SLFN14: variants seen among roughly 807,000 people sequenced by gnomAD.
SLFN14 encodes schlafen family member 14, also known as protein SLFN14.
In SLFN14, 47 loss-of-function variants were observed where a neutral mutation model predicts 58.6. That is an observed-to-expected ratio of 0.80 (90% CI 0.64 to 1.02). The LOEUF (loss-of-function observed/expected upper bound fraction) is 1.02. SLFN14 is among the 50% of genes least tolerant of loss of function. The pLI is 0.00. For synonymous variants in SLFN14, 390 were observed against 387.3 expected (o/e 1.01, Z -0.08); for missense variants, 967 against 1,078.4 (o/e 0.90, Z 1.45).
intron 5 of SLFN14, among the ~76,000 whole-genome samples, chr17:35,549,671 C>T (rs1034870992): frequency 3.9e-5 from 6 of 152,258 alleles, no homozygotes; most frequent in East Asian, 1.9e-4. Context: ...CTTTATAGTA[C>T]GCTTTAGCAT....
rs1007979703 is a variant in SLFN14 at position 35,544,150 on chromosome 17, T to C, written c.*4089A>G. On this transcript the variant is annotated 3_prime_UTR_variant, in exon 6 of 6. Transcript: ENST00000674182. Reference sequence around the variant, plus strand: ...TGGGCCACCCAGGGTACATTCTTTGTATGGAAACAGCAGAAACCCGAGAGA... The same window carrying C: ...TGGGCCACCCAGGGTACATTCTTTGCATGGAAACAGCAGAAACCCGAGAGA... Among the ~76,000 whole-genome samples the C allele has an allele frequency of 9.8e-5, 15 of 152,326 alleles. No homozygotes were observed. The highest frequency in any genetic ancestry group is 3.4e-3 in the Middle Eastern group (1 of 294).
rs114213370 is a variant in SLFN14 at position 35,556,770 on chromosome 17, G to T, written c.1060+233C>A. Among the ~76,000 whole-genome samples, 1,294 of 152,176 alleles carry T rather than the reference G, an allele frequency of 8.5e-3. 10 individuals carry two copies. The highest frequency in any genetic ancestry group is 0.026 in the African/African-American group (1,069 of 41,526). On this transcript the variant is annotated intron_variant, in intron 3 of 5. Coordinates refer to ENST00000674182, the MANE Select transcript of SLFN14 (RefSeq NM_001129820.2). ...ACTGCACTCCAGCCTGGGTGACAGA[G>T]TCTAAAGAAAAAAAAGTTGTTTAGG... is the stretch of plus-strand genomic sequence containing the variant.
Position 35,548,901 on chromosome 17 carries a change from TTTC to T in SLFN14, c.2074_2076del (p.Glu692del). 2 of 1,551,702 alleles carry T rather than the reference TTTC, an allele frequency of 1.3e-6. No homozygotes were observed. The highest frequency in any genetic ancestry group is 4.9e-5 in the East Asian group (2 of 40,926). ...AGCCAGAGAATCCCATGGTGAAGGT[TTTC>T]ACTTCCAGTCCCCTTCGCCTTTGGA... On this transcript the variant is annotated inframe_deletion, in exon 6 of 6. Transcript: ENST00000674182.
intron 3 of SLFN14, among the ~76,000 whole-genome samples, chr17:35,555,638 GGAGAA>G (rs1483422870): frequency 2.6e-5 from 4 of 152,140 alleles, no homozygotes; most frequent in African/African-American, 9.6e-5. Context: ...TTAGGGGAGA[GGAGAA>G]GAGAAGTGAA....
rs1395771765 is a variant in SLFN14, at chr17:35,545,773, G to T, written c.*2466C>A. Among the ~76,000 whole-genome samples, 1 of 152,062 alleles carries T rather than the reference G, an allele frequency of 6.6e-6. No individual in the cohort carries two copies. Among genetic ancestry groups the T allele is most frequent in the African/African-American group, 2.4e-5 (1 of 41,388 alleles). ...CAGACCTCAGCCTCTCAAAGTTCTGGTATTACAGGCACCAGCCACTGCACC... is the reference window on the plus strand; with the variant it reads ...CAGACCTCAGCCTCTCAAAGTTCTGTTATTACAGGCACCAGCCACTGCACC... On this transcript the variant is annotated 3_prime_UTR_variant, in exon 6 of 6. Transcript: ENST00000674182.
At chr17:35,558,753 T>C (rs141398416) in intron 2 of SLFN14, among the ~76,000 whole-genome samples, 4 of 152,262 alleles carry the variant, frequency 2.6e-5, no homozygotes, top group Non-Finnish European at 4.4e-5. Context: ...ATAAAGGGCA[T>C]GGGTTGGCAC....
At position 35,553,045 on chromosome 17, in the gene SLFN14, G is replaced by C; in HGVS notation, c.1589C>G (p.Pro530Arg). 1 of 1,551,592 alleles carries C rather than the reference G, an allele frequency of 6.4e-7. No homozygotes were observed. The highest frequency in any genetic ancestry group is 8.7e-7 in the Non-Finnish European group (1 of 1,146,970). Reference protein sequence around the residue: ...SRPGEIPLRYPRSYRLADEEE... With the variant: ...SRPGEIPLRYRRSYRLADEEE... ...CTCATCAGCAAGCCTGTAGGACCTG[G>C]GGTAACGCAGGGGGATCTCACCAGG... The change falls in exon 5 of 6, where the codon CCC becomes CGC. Residue 530 changes from proline to arginine, a missense_variant. By Grantham distance (103) the Pro-to-Arg change is moderately radical (BLOSUM62 -2). Coordinates refer to ENST00000674182, the MANE Select transcript of SLFN14 (RefSeq NM_001129820.2).
chr17:35,553,055 G>A lies in SLFN14; in HGVS notation c.1579C>T (p.Leu527=). The part of the protein sequence containing the change: ...STQSRPGEIP[L]RYPRSYRLAD... Reference sequence around the variant, plus strand: ...AGCCTGTAGGACCTGGGGTAACGCAGGGGGATCTCACCAGGTCTACTCTGT... The same window carrying A: ...AGCCTGTAGGACCTGGGGTAACGCAAGGGGATCTCACCAGGTCTACTCTGT... Residue 527 remains leucine (L), a synonymous_variant, in exon 5 of 6, where the codon CTG becomes TTG. Transcript: ENST00000674182. 1 of 1,551,626 alleles carries A rather than the reference G, an allele frequency of 6.4e-7. No individual in the cohort carries two copies. The highest frequency in any genetic ancestry group is 8.7e-7 in the Non-Finnish European group (1 of 1,146,984).
intron 5 of SLFN14, among the ~76,000 whole-genome samples, chr17:35,550,327 C>T (rs988910081): frequency 5.3e-5 from 8 of 152,206 alleles, no homozygotes; most frequent in Non-Finnish European, 1.2e-4. Context: ...GGGCGGATCA[C>T]CTGAGGTCAG....
At chr17:35,558,451 T>C (rs2142213565) in intron 2 of SLFN14, among the ~76,000 whole-genome samples, 1 of 151,596 alleles carries the variant, frequency 6.6e-6, no homozygotes, top group African/African-American at 2.4e-5. Context: ...TCTTTTTTGT[T>C]CTTGCTATTT....
intron 5 of SLFN14, among the ~76,000 whole-genome samples, chr17:35,552,009 C>A (rs1466998523): frequency 6.6e-6 from 1 of 152,198 alleles, no homozygotes; most frequent in Non-Finnish European, 1.5e-5. Context: ...TTAAGTTTGT[C>A]TCTTCCAGAA....
Position 35,547,626 on chromosome 17 carries a change from A to T in SLFN14, c.*613T>A, listed in dbSNP as rs1042164758. Among the ~76,000 whole-genome samples the T allele has an allele frequency of 1.2e-4, 19 of 152,200 alleles. No homozygotes were observed. Among genetic ancestry groups the T allele is most frequent in the African/African-American group, 4.6e-4 (19 of 41,444 alleles). On this transcript the variant is annotated 3_prime_UTR_variant, in exon 6 of 6. Coordinates refer to ENST00000674182, the MANE Select transcript of SLFN14 (RefSeq NM_001129820.2). ...AAGCATCCCCAAGAGACTGATCTAG[A>T]CTTGGTACAAAAAGGCAATCAAGTT...
intron 4 of SLFN14, 72 bp downstream of exon 4, chr17:35,554,504 A>T (rs1419612830): frequency 1.5e-6 from 2 of 1,357,478 alleles, no homozygotes; most frequent in East Asian, 5.8e-5. Flanking sequence ...ACCTGAACTC[A>T]TTACTACTAA....
Position 35,553,002 on chromosome 17 carries a change from C to T in SLFN14, c.1632G>A (p.Leu544=). The change falls in exon 5 of 6, where the codon TTG becomes TTA. Residue 544 remains leucine, a synonymous_variant. Coordinates refer to ENST00000674182, the MANE Select transcript of SLFN14 (RefSeq NM_001129820.2). ...RLADEEEMED[L]LQALVVVSLS... ...GGGAGACCACCACCAGAGCCTGCAG[C>T]AAGTCTTCCATTTCCTCCTCATCAG... is the stretch of plus-strand genomic sequence containing the variant. The T allele has an allele frequency of 1.3e-6, 2 of 1,551,616 alleles. No homozygotes were observed. The highest frequency in any genetic ancestry group is 1.7e-6 in the Non-Finnish European group (2 of 1,146,990).
rs573554670 is a variant in SLFN14 at position 35,556,959 on chromosome 17, G to C, written c.1060+44C>G. On this transcript the variant is annotated intron_variant, in intron 3 of 5. Coordinates refer to ENST00000674182, the MANE Select transcript of SLFN14 (RefSeq NM_001129820.2). ...AATACCCACAAAAGGCAGAGAAAGG[G>C]GTTCCTCCCTGCTGATGGGGACAAT... The C allele has an allele frequency of 5.4e-6, 8 of 1,476,822 alleles. No homozygotes were observed. In the African/African-American group the frequency reaches 1.1e-4, roughly 21 times the overall value. 91.5% of individuals were successfully genotyped at this position (1,476,822 alleles called of 1,614,324 possible). A position where few individuals can be genotyped will look rare whatever the true frequency, so the allele number is the denominator to read the frequency against.
chr17:35,548,657 G>A lies in SLFN14; in HGVS notation c.2321C>T (p.Thr774Met), dbSNP rs746486418. 28 of 1,551,638 alleles carry A rather than the reference G, an allele frequency of 1.8e-5. No individual in the cohort carries two copies. The highest frequency in any genetic ancestry group is 4.9e-5 in the East Asian group (2 of 40,940). Residue 774 changes from threonine (T) to methionine (M), a missense_variant, in exon 6 of 6, where the codon ACG (threonine) becomes ATG (methionine). Physicochemically the swap from Thr to Met is moderately conservative, Grantham distance 81 (BLOSUM62 -1). Coordinates refer to ENST00000674182, the MANE Select transcript of SLFN14 (RefSeq NM_001129820.2). The part of the protein sequence containing the change: ...LFSETAYEEA[T>M]CAQALPGVCE... ...CACCCCAGGCAGAGCCTGGGCACAC[G>A]TTGCTTCCTCATAGGCAGTCTCGCT...
chr17:35,555,882 CT>C (rs1457933039), intron 3 of SLFN14, among the ~76,000 whole-genome samples: 2 of 152,154 alleles, frequency 1.3e-5, no homozygotes, highest in Non-Finnish European at 2.9e-5. Flanking sequence ...CTAGCATCTC[CT>C]TTTGCATCAT....
chr17:35,555,487 G>T (rs1157063879), intron 3 of SLFN14, among the ~76,000 whole-genome samples: 1 of 151,876 alleles, frequency 6.6e-6, no homozygotes, highest in Non-Finnish European at 1.5e-5. Flanking sequence ...GGGAGGCGGA[G>T]GCTGCAGTGA....
chr17:35,555,424 T>C (rs2142208519), intron 3 of SLFN14, among the ~76,000 whole-genome samples: 1 of 149,838 alleles, frequency 6.7e-6, no homozygotes, highest in African/African-American at 2.4e-5. Context: ...CGTGGTGGTG[T>C]GCCTGTAATC....
Sources: gnomAD v4.1 joint callset for allele counts (sites outside exome capture counted in the v4.1 genomes callset) on GRCh38, gnomAD v4.1.1 for gene constraint, MANE v1.5 for transcripts, NCBI Gene and HGNC (gene_info 2026-07-23, HGNC 2026-07-21) for gene names.